Variants in SRRM1 observed in about 807,000 individuals in gnomAD.
SRRM1 encodes serine/arginine repetitive matrix protein 1.
Under a neutral mutation model 110.2 loss-of-function variants are expected in SRRM1, and 19 were observed. The observed-to-expected ratio is 0.17, with a 90% CI of 0.12 to 0.25. The LOEUF is 0.25. Among genes scored for constraint, SRRM1 ranks in the 10% least tolerant of loss-of-function variants. SRRM1 has a pLI of 1.00. For missense variants in SRRM1, 918 were observed against 1,145.8 expected (o/e 0.80, Z 2.87); for synonymous variants, 443 against 414.9 (o/e 1.07, Z -0.82).
intron 14 of SRRM1, 75 bp downstream of exon 14, chr1:24,669,662 A>C: frequency 2.7e-6 from 3 of 1,101,460 alleles, no homozygotes; most frequent in East Asian, 2.6e-5. Context: ...CCCCACCCCC[A>C]TATAAAAGGA....
In SRRM1 at chr1:24,666,787, AAATT is replaced by A. The variant is rs1670222178; in HGVS notation, c.1629-25_1629-22del. On this transcript the variant is annotated intron_variant, in intron 12 of 16. Transcript: ENST00000323848. ...CACACACACACAAAAAAAAGAAAAAAAATTAACTATAATTCTTCTTGGTTTAGTG... is the reference window on the plus strand; with the variant it reads ...CACACACACACAAAAAAAAGAAAAAAAACTATAATTCTTCTTGGTTTAGTG... 4 of 1,593,678 alleles carry A rather than the reference AAATT, an allele frequency of 2.5e-6. No homozygotes were observed. The East Asian group carries it at 9.0e-5, about 36-fold the overall frequency.
intron 15 of SRRM1, 73 bp downstream of exon 15, chr1:24,670,388 A>T: frequency 7.1e-7 from 1 of 1,399,694 alleles, no homozygotes; most frequent in Non-Finnish European, 9.6e-7. Flanking sequence ...AGAAAATGTC[A>T]TTGGGGCATT....
intron 3 of SRRM1, 121 bp from the exon 4 acceptor site, chr1:24,648,738 A>G (rs113414635): frequency 3.0e-5 from 23 of 773,364 alleles, no homozygotes; most frequent in African/African-American, 2.6e-4. Flanking sequence ...GACTATATAT[A>G]TGTCTAAGCC....
At chr1:24,669,046 C>G (rs1169732499) in intron 13 of SRRM1, 77 bp from the exon 14 acceptor site, 4 of 1,275,334 alleles carry the variant, frequency 3.1e-6, no homozygotes, top group African/African-American at 3.0e-5. Flanking sequence ...ACAGTATAGC[C>G]AAACCTACTG....
At chr1:24,646,929 C>A in intron 3 of SRRM1, 140 bp downstream of exon 3, 1 of 672,876 alleles carries the variant, frequency 1.5e-6, no homozygotes, top group Non-Finnish European at 2.3e-6. Context: ...ACTTTGTAAA[C>A]AACTATTAAG....
At position 24,672,209 on chromosome 1, in the gene SRRM1, C is replaced by T; in HGVS notation, c.2638C>T (p.Leu880Phe). 5 of 1,610,658 alleles carry T rather than the reference C, an allele frequency of 3.1e-6. No individual in the cohort carries two copies. The highest frequency in any genetic ancestry group is 4.2e-6 in the Non-Finnish European group (5 of 1,178,226). Reference protein sequence around the residue: ...KETESEAEDNLDDLEKHLREK... With the variant: ...KETESEAEDNFDDLEKHLREK... ...GACTGAAAGTGAAGCTGAAGATAACCTTGATGATTTAGAAAAGCACCTGCG... is the reference window on the plus strand; with the variant it reads ...GACTGAAAGTGAAGCTGAAGATAACTTTGATGATTTAGAAAAGCACCTGCG... Residue 880 changes from leucine (L) to phenylalanine (F), a missense_variant, in exon 17 of 17, where the codon CTT becomes TTT. Leu to Phe is a conservative substitution (Grantham distance 22). Transcript: ENST00000323848.
intron 12 of SRRM1, among the ~76,000 whole-genome samples, chr1:24,666,164 A>G (rs1669888849): frequency 6.6e-6 from 1 of 152,220 alleles, no homozygotes; most frequent in African/African-American, 2.4e-5. Context: ...CATCCCCAAT[A>G]AAAAGCAGTG....
At position 24,652,949 on chromosome 1, in the gene SRRM1, G is replaced by A; in HGVS notation, c.957G>A (p.Arg319=). ...YSPRRRPSPR[R]RPSPRRRTPP... ...CTAGAAGGCGGCCAAGCCCAAGAAG[G>A]CGGCCATCTCCTCGAAGAAGAACTC... The change falls in exon 8 of 17, where the codon AGG becomes AGA. Residue 319 remains arginine (R), a synonymous_variant. Transcript: ENST00000323848. 1 of 1,614,006 alleles carries A rather than the reference G, an allele frequency of 6.2e-7. No individual in the cohort carries two copies. The highest frequency in any genetic ancestry group is 8.5e-7 in the Non-Finnish European group (1 of 1,179,930).
intron 9 of SRRM1, among the ~76,000 whole-genome samples, chr1:24,656,388 A>G (rs1037202817): frequency 6.6e-6 from 1 of 152,192 alleles, no homozygotes; most frequent in Non-Finnish European, 1.5e-5. Context: ...AGGTTCATTA[A>G]ATAAGACATG....
intron 10 of SRRM1, chr1:24,661,024 G>A (rs977104592): frequency 3.0e-5 from 16 of 532,412 alleles, no homozygotes; most frequent in Non-Finnish European, 4.4e-5. Context: ...TTTCATCTCC[G>A]AAATAGGGAC....
chr1:24,643,952 G>C (rs937963504), intron 1 of SRRM1, among the ~76,000 whole-genome samples: 1 of 152,180 alleles, frequency 6.6e-6, no homozygotes, highest in African/African-American at 2.4e-5. Flanking sequence ...TCAGGGAGGG[G>C]GACGTAGATA....
intron 12 of SRRM1, among the ~76,000 whole-genome samples, chr1:24,663,648 G>A (rs1668357284): frequency 6.6e-6 from 1 of 151,980 alleles, no homozygotes; most frequent in Non-Finnish European, 1.5e-5. Flanking sequence ...AATATTAAAA[G>A]TGAGAGGATC....
chr1:24,652,401 CAAAA>C (rs60568839), intron 6 of SRRM1, 29 bp from the exon 7 acceptor site: 2,547 of 1,078,144 alleles, frequency 2.4e-3, no homozygotes, highest in South Asian at 4.2e-3. Flanking sequence ...TACAAGAAGG[CAAAA>C]AAAAAAAAAA....
At chr1:24,643,608 G>A (rs916322499) in intron 1 of SRRM1, 4 of 405,396 alleles carry the variant, frequency 9.9e-6, no homozygotes, top group Non-Finnish European at 1.7e-5. Flanking sequence ...GGGCCGGGAT[G>A]GTACCTCGCT....
chr1:24,643,716 C>A lies in SRRM1; in HGVS notation c.21+369C>A, dbSNP rs1570604480. ...GAGGAGGAAGTCCCGAGTGGGAGGCCAAAGGAAAGCCCTAAGGTCACTGGT... is the reference window on the plus strand; with the variant it reads ...GAGGAGGAAGTCCCGAGTGGGAGGCAAAAGGAAAGCCCTAAGGTCACTGGT... On this transcript the variant is annotated intron_variant, in intron 1 of 16. Transcript: ENST00000323848. 26 of 295,842 alleles carry A rather than the reference C, an allele frequency of 8.8e-5. No individual in the cohort carries two copies. The East Asian group carries it at 1.4e-3, about 16-fold the overall frequency. 18.3% of individuals were successfully genotyped at this position (295,842 alleles called of 1,614,324 possible). A position where few individuals can be genotyped will look rare whatever the true frequency, so the allele number is the denominator to read the frequency against.
intron 4 of SRRM1, among the ~76,000 whole-genome samples, 194 bp from the exon 5 acceptor site, chr1:24,649,773 ATATT>A (rs1570714191): frequency 6.6e-6 from 1 of 152,322 alleles, no homozygotes; most frequent in South Asian, 2.1e-4. Flanking sequence ...CTTTCAGTGA[ATATT>A]TATTTGTAAA....
chr1:24,667,310 TTAAATGGG>T (rs1427350508), intron 13 of SRRM1, among the ~76,000 whole-genome samples: 1 of 152,196 alleles, frequency 6.6e-6, no homozygotes, highest in Non-Finnish European at 1.5e-5. Context: ...TAAATGGACC[TTAAATGGG>T]TAAATAGGTA....
chr1:24,644,421 T>A (rs1656047628), intron 1 of SRRM1, among the ~76,000 whole-genome samples: 1 of 152,232 alleles, frequency 6.6e-6, no homozygotes, highest in South Asian at 2.1e-4. Context: ...AAATACACGT[T>A]AGCTCTTCTC....
chr1:24,665,971 G>A (rs976406079), intron 12 of SRRM1, among the ~76,000 whole-genome samples: 1 of 152,106 alleles, frequency 6.6e-6, no homozygotes, highest in Non-Finnish European at 1.5e-5. Context: ...TCCAGACTTG[G>A]GTCTTAAGCC....
Sources: gnomAD v4.1 joint callset for allele counts (sites outside exome capture counted in the v4.1 genomes callset) on GRCh38, gnomAD v4.1.1 for gene constraint, MANE v1.5 for transcripts, NCBI Gene and HGNC (gene_info 2026-07-23, HGNC 2026-07-21) for gene names.